Variants in TMTC1 observed in about 807,000 individuals in gnomAD.
The protein encoded by TMTC1 is protein O-mannosyl-transferase TMTC1.
Under a neutral mutation model 104.8 loss-of-function variants are expected in TMTC1, and 73 were observed. That is an observed-to-expected ratio of 0.70 (90% confidence interval 0.58 to 0.85). The LOEUF (loss-of-function observed/expected upper bound fraction) is 0.85, where lower values mean the gene tolerates loss of function less well. Ranked by LOEUF, TMTC1 falls within the 40% of genes least tolerant of loss-of-function variation. The probability of loss-of-function intolerance (pLI) is 0.00; values close to 1 mark genes in which losing one functional copy is unlikely to be tolerated. For missense variants in TMTC1, 1,035 were observed against 1,096.1 expected, an observed-to-expected ratio of 0.94 and a Z score of 0.79; for synonymous variants, 434 against 428.7, an observed-to-expected ratio of 1.01 and a Z score of -0.15.
chr12:29,571,583 T>TACACAC (rs36015543), intron 9 of TMTC1, among the ~76,000 whole-genome samples: 19 of 148,152 alleles, frequency 1.3e-4, no homozygotes, highest in African/African-American at 4.7e-4. Flanking sequence ...CACACACACA[T>TACACAC]ACACACACAC....
At chr12:29,577,398 C>CTCATGCTT (rs1396193294) in intron 8 of TMTC1, among the ~76,000 whole-genome samples, 3 of 152,168 alleles carry the variant, frequency 2.0e-5, no homozygotes, top group Non-Finnish European at 4.4e-5. Context: ...AAGGAAAATA[C>CTCATGCTT]TCATGCTTCT....
chr12:29,606,128 C>G (rs527749000), intron 6 of TMTC1, among the ~76,000 whole-genome samples: 1 of 152,210 alleles, frequency 6.6e-6, no homozygotes, highest in South Asian at 2.1e-4. Context: ...AGTATCTAGG[C>G]TGATTCCATG....
chr12:29,662,920 C>T (rs1422385853), intron 5 of TMTC1, among the ~76,000 whole-genome samples: 1 of 152,132 alleles, frequency 6.6e-6, no homozygotes, highest in East Asian at 1.9e-4. Context: ...TGGACTGGAT[C>T]CATCCTCAAG....
chr12:29,546,572 A>G (rs1194566638), intron 10 of TMTC1, among the ~76,000 whole-genome samples: 1 of 152,074 alleles, frequency 6.6e-6, no homozygotes, highest in Non-Finnish European at 1.5e-5. Context: ...GCATTTTTAG[A>G]TTTAAAAGCC....
chr12:29,652,780 C>T (rs939655849), intron 5 of TMTC1, among the ~76,000 whole-genome samples: 4 of 152,128 alleles, frequency 2.6e-5, no homozygotes, highest in African/African-American at 4.8e-5. Flanking sequence ...TAAATATCTT[C>T]GCTGGGCACA....
At chr12:29,586,256 GA>G (rs1241176041) in intron 7 of TMTC1, among the ~76,000 whole-genome samples, 1 of 152,088 alleles carries the variant, frequency 6.6e-6, no homozygotes, top group African/African-American at 2.4e-5. Context: ...TGGTGTATAA[GA>G]ATGCTTGTGA....
chr12:29,521,436 G>A (rs774079730), intron 11 of TMTC1, among the ~76,000 whole-genome samples: 4 of 152,068 alleles, frequency 2.6e-5, no homozygotes, highest in Admixed American at 6.5e-5. Context: ...GGTTCAGGTC[G>A]ATCACCACAT....
intron 5 of TMTC1, among the ~76,000 whole-genome samples, chr12:29,710,242 G>A (rs964026315): frequency 1.3e-5 from 2 of 152,014 alleles, no homozygotes; most frequent in African/African-American, 2.4e-5. Context: ...CCACTTTGCC[G>A]GGGTCTGCAG....
chr12:29,616,721 T>C (rs1033706207), intron 6 of TMTC1, among the ~76,000 whole-genome samples: 1 of 147,816 alleles, frequency 6.8e-6, no homozygotes, highest in Non-Finnish European at 1.5e-5. Context: ...TTTGTAGAGA[T>C]GAAGAATAAC....
chr12:29,591,708 A>C (rs1946285106), intron 7 of TMTC1, among the ~76,000 whole-genome samples: 2 of 152,326 alleles, frequency 1.3e-5, no homozygotes, highest in East Asian at 3.9e-4. Context: ...ATAACTAAAA[A>C]CACTGGCATT....
chr12:29,719,518 T>C (rs78551094), intron 5 of TMTC1, among the ~76,000 whole-genome samples: 3,605 of 152,332 alleles, frequency 0.024, 63 homozygotes, highest in Non-Finnish European at 0.035. Flanking sequence ...TTCCCCTGCA[T>C]AGCCAATGTC....
intron 1 of TMTC1, chr12:29,782,908 G>C (rs1461583655): frequency 6.6e-6 from 1 of 152,338 alleles, no homozygotes; most frequent in Non-Finnish European, 1.5e-5. Context: ...TGGGGGGCTC[G>C]GGAGAGTTTT....
At chr12:29,614,186 A>C (rs76101517) in intron 6 of TMTC1, among the ~76,000 whole-genome samples, 1 of 152,350 alleles carries the variant, frequency 6.6e-6, no homozygotes, top group East Asian at 1.9e-4. Context: ...GAGGAAAAAA[A>C]GGTGAGATTT....
At chr12:29,606,983 C>CT (rs200379902) in intron 6 of TMTC1, among the ~76,000 whole-genome samples, 1 of 151,206 alleles carries the variant, frequency 6.6e-6, no homozygotes, top group African/African-American at 2.4e-5. Context: ...GCCCCCCCCC[C>CT]TCACTCACGG....
chr12:29,605,571 TAAAAAAAA>T (rs34353381), intron 6 of TMTC1, among the ~76,000 whole-genome samples: 1,973 of 101,876 alleles, frequency 0.019, 27 homozygotes, highest in African/African-American at 0.049. Flanking sequence ...CCAAAAAGGG[TAAAAAAAA>T]AAAAAAAAAA....
At chr12:29,562,972 T>C (rs1945415368) in intron 9 of TMTC1, among the ~76,000 whole-genome samples, 1 of 152,200 alleles carries the variant, frequency 6.6e-6, no homozygotes, top group Non-Finnish European at 1.5e-5. Flanking sequence ...TGCTGATAGC[T>C]TTCAACTTGC....
chr12:29,620,064 G>T (rs936825600), intron 6 of TMTC1, among the ~76,000 whole-genome samples: 6 of 152,190 alleles, frequency 3.9e-5, no homozygotes, highest in African/African-American at 1.2e-4. Context: ...CAGTCAATTG[G>T]ATTTCTTTTA....
At chr12:29,726,355 T>C (rs1255762793) in intron 5 of TMTC1, among the ~76,000 whole-genome samples, 1 of 151,854 alleles carries the variant, frequency 6.6e-6, no homozygotes, top group Non-Finnish European at 1.5e-5. Context: ...CTGCTCTTTA[T>C]AGACATCGGG....
intron 10 of TMTC1, among the ~76,000 whole-genome samples, chr12:29,545,169 G>A (rs1944905942): frequency 6.6e-6 from 1 of 151,838 alleles, no homozygotes; most frequent in Non-Finnish European, 1.5e-5. Context: ...GCAGAGGCAG[G>A]ATGCTATTAC....
Sources: allele counts gnomAD v4.1 joint callset (sites outside exome capture counted in the v4.1 genomes callset), GRCh38; gene constraint gnomAD v4.1.1; transcripts MANE v1.5; gene names NCBI Gene and HGNC (gene_info 2026-07-23, HGNC 2026-07-21).